LOC128125817: variants seen among roughly 807,000 people sequenced by gnomAD.
At chr1:41,622,369 C>T in the LOC128125817 span, among the ~76,000 whole-genome samples, 1 of 151,982 alleles carries the variant, frequency 6.6e-6, no homozygotes, top group Non-Finnish European at 1.5e-5. Context: ...TAAAGTGTGA[C>T]ATGTTCTGCA....
the LOC128125817 span, among the ~76,000 whole-genome samples, chr1:41,611,107 C>G: frequency 6.6e-6 from 1 of 152,240 alleles, no homozygotes; most frequent in Non-Finnish European, 1.5e-5. Context: ...GAGAAAATTA[C>G]TAGTGTATGT....
the LOC128125817 span, among the ~76,000 whole-genome samples, chr1:41,625,150 G>A: frequency 3.0e-4 from 32 of 107,434 alleles, no homozygotes; most frequent in Admixed American, 7.0e-4. Flanking sequence ...CTGACAGAGC[G>A]AGATTCCAAC....
chr1:41,586,603 T>C, the LOC128125817 span, among the ~76,000 whole-genome samples: 1 of 152,316 alleles, frequency 6.6e-6, no homozygotes, highest in South Asian at 2.1e-4. Flanking sequence ...CACTCTTCGT[T>C]TCACTAGGTG....
the LOC128125817 span, among the ~76,000 whole-genome samples, chr1:41,596,160 A>G: frequency 4.6e-5 from 7 of 152,178 alleles, no homozygotes; most frequent in Non-Finnish European, 8.8e-5. Flanking sequence ...ATGACGAGAT[A>G]AAGTCCCAAA....
chr1:41,604,946 A>G, the LOC128125817 span, among the ~76,000 whole-genome samples: 1 of 151,860 alleles, frequency 6.6e-6, no homozygotes, highest in East Asian at 1.9e-4. Context: ...TCTACAAAAA[A>G]TAAATAAAAT....
chr1:41,623,568 A>C, the LOC128125817 span, among the ~76,000 whole-genome samples: 4 of 152,164 alleles, frequency 2.6e-5, no homozygotes, highest in South Asian at 2.1e-4. Context: ...CATGGCCTCC[A>C]AAAACCACCA....
chr1:41,627,416 A>T, the LOC128125817 span, among the ~76,000 whole-genome samples: 1 of 152,184 alleles, frequency 6.6e-6, no homozygotes, highest in African/African-American at 2.4e-5. Flanking sequence ...GTACCACAAC[A>T]AACATCCCCT....
the LOC128125817 span, among the ~76,000 whole-genome samples, chr1:41,619,550 G>A: frequency 1.3e-5 from 2 of 152,256 alleles, no homozygotes; most frequent in African/African-American, 4.8e-5. Flanking sequence ...ATGGTGCTTG[G>A]CCCCTTATGT....
the LOC128125817 span, among the ~76,000 whole-genome samples, chr1:41,609,655 G>A: frequency 1.3e-5 from 2 of 152,204 alleles, no homozygotes; most frequent in East Asian, 3.9e-4. Flanking sequence ...AGGCCCCACG[G>A]CATGGCTCTG....
At chr1:41,593,573 T>C in the LOC128125817 span, among the ~76,000 whole-genome samples, 1 of 152,380 alleles carries the variant, frequency 6.6e-6, no homozygotes, top group East Asian at 1.9e-4. Flanking sequence ...TTGAAGCTTT[T>C]CATGGGGACT....
chr1:41,620,990 GC>G, the LOC128125817 span, among the ~76,000 whole-genome samples: 4 of 152,194 alleles, frequency 2.6e-5, no homozygotes, highest in Non-Finnish European at 5.9e-5. Flanking sequence ...TAACTGGTCA[GC>G]CCCACACCTG....
chr1:41,589,340 C>T, the LOC128125817 span, among the ~76,000 whole-genome samples: 3 of 152,354 alleles, frequency 2.0e-5, no homozygotes, highest in Middle Eastern at 3.4e-3. Context: ...CAGCAGCCAA[C>T]TGGTTAGCTC....
the LOC128125817 span, among the ~76,000 whole-genome samples, chr1:41,606,499 C>T: frequency 2.0e-5 from 3 of 151,886 alleles, no homozygotes; most frequent in East Asian, 1.9e-4. Flanking sequence ...TCATTGCCTG[C>T]GAAGCCACTC....
chr1:41,624,346 T>G, the LOC128125817 span, among the ~76,000 whole-genome samples: 1 of 152,324 alleles, frequency 6.6e-6, no homozygotes, highest in East Asian at 1.9e-4. Flanking sequence ...ACAGTTTGAC[T>G]CCTATTCTAA....
chr1:41,605,365 A>ACT, the LOC128125817 span, among the ~76,000 whole-genome samples: 1 of 124,448 alleles, frequency 8.0e-6, no homozygotes, highest in South Asian at 2.7e-4. Flanking sequence ...ACATACACAC[A>ACT]CGCACACGCG....
chr1:41,618,923 T>C, the LOC128125817 span, among the ~76,000 whole-genome samples: 2 of 152,224 alleles, frequency 1.3e-5, no homozygotes, highest in African/African-American at 2.4e-5. Flanking sequence ...CCCCTTCCCA[T>C]GGCCCCCGCA....
At chr1:41,627,499 C>T in the LOC128125817 span, among the ~76,000 whole-genome samples, 1 of 152,138 alleles carries the variant, frequency 6.6e-6, no homozygotes, top group African/African-American at 2.4e-5. Flanking sequence ...CTCAGGAGAA[C>T]CCTGGTCTAG....
chr1:41,598,087 C>T, the LOC128125817 span, among the ~76,000 whole-genome samples: 6 of 152,188 alleles, frequency 3.9e-5, no homozygotes, highest in Non-Finnish European at 7.3e-5. Flanking sequence ...CTTAAATGGT[C>T]CAGGAAGTGC....
chr1:41,599,944 T>C, the LOC128125817 span, among the ~76,000 whole-genome samples: 1 of 152,028 alleles, frequency 6.6e-6, no homozygotes, highest in Non-Finnish European at 1.5e-5. Context: ...GATCTACAAA[T>C]GGCCAAGAAG....
Sources: gnomAD v4.1 joint callset for allele counts (sites outside exome capture counted in the v4.1 genomes callset) on GRCh38, gnomAD v4.1.1 for gene constraint, MANE v1.5 for transcripts.